The following STRIP1 variants were observed in gnomAD, a reference collection of about 807,000 sequenced individuals.
STRIP1 encodes the protein striatin interacting protein 1, also known as striatin-interacting protein 1.
STRIP1 carries 63 observed loss-of-function variants against 106.2 expected under a neutral mutation model. The ratio of observed to expected loss-of-function variants is 0.59; its 90% CI spans 0.48 to 0.73. The LOEUF (loss-of-function observed/expected upper bound fraction) is 0.73. STRIP1 is among the 30% of genes least tolerant of loss of function. STRIP1 has a pLI of 0.00. For synonymous variants in STRIP1, 390 were observed against 413.0 expected, an observed-to-expected ratio of 0.94 and a Z score of 0.67; for missense variants, 857 against 1,074.8, an observed-to-expected ratio of 0.80 and a Z score of 2.83.
At chr1:110,051,183 C>T in intron 19 of STRIP1, 123 bp downstream of exon 19, 1 of 682,052 alleles carries the variant, frequency 1.5e-6, no homozygotes, top group Non-Finnish European at 2.6e-6. Context: ...TAGCCGTATC[C>T]TTGCATTTTA....
In STRIP1 at chr1:110,039,309, A is replaced by AT. The variant is rs1290028076; in HGVS notation, c.460+5dup. The AT allele has an allele frequency of 2.5e-6, 4 of 1,613,992 alleles. No homozygotes were observed. Among genetic ancestry groups the AT allele is most frequent in the Non-Finnish European group, 3.4e-6 (4 of 1,180,000 alleles). Reference sequence around the variant, plus strand: ...AGCAATTCTCTATGTTGCTCAAGGTATTGAGTGGACCTCCCCAGGGTTCCC... The same window carrying AT: ...AGCAATTCTCTATGTTGCTCAAGGTATTTGAGTGGACCTCCCCAGGGTTCCC... On this transcript the variant is annotated splice_donor_region_variant and intron_variant, in intron 4 of 20. Coordinates refer to ENST00000369795, the MANE Select transcript of STRIP1 (RefSeq NM_033088.4).
intron 10 of STRIP1, among the ~76,000 whole-genome samples, chr1:110,044,207 T>C (rs6680225): frequency 0.019 from 2,825 of 152,332 alleles, 74 homozygotes; most frequent in African/African-American, 0.051. Flanking sequence ...ACAAAAATGA[T>C]AGATTAAGGA....
At chr1:110,041,397 C>G (rs981993533) in intron 6 of STRIP1, 139 bp from the exon 7 acceptor site, 2 of 629,864 alleles carry the variant, frequency 3.2e-6, no homozygotes, top group African/African-American at 3.7e-5. Flanking sequence ...ATGCTTTTGG[C>G]CATTCTTGTT....
intron 3 of STRIP1, 27 bp downstream of exon 3, chr1:110,038,784 T>C (rs1435838199): frequency 3.7e-6 from 6 of 1,604,644 alleles, no homozygotes; most frequent in Non-Finnish European, 5.1e-6. Flanking sequence ...CACTTCTTGC[T>C]TCCTTTGCCC....
upstream of STRIP1, among the ~76,000 whole-genome samples, chr1:110,034,120 T>C (rs1441327050): frequency 6.6e-6 from 1 of 152,246 alleles, no homozygotes; most frequent in Non-Finnish European, 1.5e-5. Flanking sequence ...TATATTTGTC[T>C]ATTGTTTGTC....
chr1:110,034,592 C>A, upstream of STRIP1: 2 of 1,465,182 alleles, frequency 1.4e-6, no homozygotes, highest in South Asian at 1.4e-5. Flanking sequence ...AGAGTTGCAT[C>A]ACGGCGGCTG....
rs1175940164 is a variant in STRIP1 at position 110,038,623 on chromosome 1, G to A, written c.251-60G>A. The A allele has an allele frequency of 2.1e-6, 3 of 1,424,056 alleles. No homozygotes were observed. In the Admixed American group the frequency reaches 5.1e-5, roughly 24 times the overall value. 88.2% of individuals were successfully genotyped at this position (1,424,056 alleles called of 1,614,324 possible). A position where few individuals can be genotyped will look rare whatever the true frequency, so the allele number is the denominator to read the frequency against. On this transcript the variant is annotated intron_variant, in intron 2 of 20. Transcript: ENST00000369795. ...CAAATGCCTTGCCTTCTCTGCACTT[G>A]TGAGACCTGGTGTGCAATGCAGACA... is the stretch of plus-strand genomic sequence containing the variant.
At chr1:110,042,862 C>T in intron 8 of STRIP1, 1 of 538,084 alleles carries the variant, frequency 1.9e-6, no homozygotes, top group South Asian at 2.7e-5. Flanking sequence ...GCACTAGGGT[C>T]AGTCAGCCTG....
chr1:110,043,312 A>G, intron 9 of STRIP1, 42 bp downstream of exon 9: 2 of 1,586,550 alleles, frequency 1.3e-6, no homozygotes, highest in Non-Finnish European at 1.7e-6. Flanking sequence ...AGGGCCCTCA[A>G]GGTGCATGCT....
intron 15 of STRIP1, 53 bp downstream of exon 15, chr1:110,047,922 G>A (rs1015051414): frequency 6.3e-6 from 9 of 1,439,190 alleles, no homozygotes; most frequent in Non-Finnish European, 8.6e-6. Context: ...GATGGAGAAG[G>A]GCAAACATTT....
chr1:110,039,495 G>A lies in STRIP1; in HGVS notation c.561G>A (p.Glu187=). The change falls in exon 5 of 21, where the codon GAG becomes GAA. Residue 187 remains glutamate (E), a synonymous_variant. Coordinates refer to ENST00000369795, the MANE Select transcript of STRIP1 (RefSeq NM_033088.4). ...TGGGCACGTTCAATGCTTTGGTGGA[G>A]CTTCTGAACATGGAAATAGAGTGAG... ...LEVGTFNALV[E]LLNMEIDNSA... 1 of 1,606,006 alleles carries A rather than the reference G, an allele frequency of 6.2e-7. No homozygotes were observed. Among genetic ancestry groups the A allele is most frequent in the Non-Finnish European group, 8.5e-7 (1 of 1,176,260 alleles).
chr1:110,043,314 G>A (rs747849311), intron 9 of STRIP1, 44 bp downstream of exon 9: 13 of 1,582,276 alleles, frequency 8.2e-6, no homozygotes, highest in Non-Finnish European at 1.1e-5. Flanking sequence ...GGCCCTCAAG[G>A]TGCATGCTTG....
intron 10 of STRIP1, 85 bp downstream of exon 10, chr1:110,043,941 T>G: frequency 1.6e-6 from 2 of 1,257,292 alleles, no homozygotes; most frequent in Non-Finnish European, 2.3e-6. Flanking sequence ...TGTGTCACCA[T>G]GTGTGGTCCT....
chr1:110,043,031 C>T, intron 8 of STRIP1, 57 bp from the exon 9 acceptor site: 1 of 1,510,548 alleles, frequency 6.6e-7, no homozygotes, highest in Non-Finnish European at 9.0e-7. Flanking sequence ...ACACAATGGT[C>T]AGGGGCCAGC....
rs143955943 is a variant in STRIP1 at position 110,051,877 on chromosome 1, A to T, written c.2256A>T (p.Ala752=). The T allele has an allele frequency of 5.6e-6, 9 of 1,612,140 alleles. No individual in the cohort carries two copies. Among genetic ancestry groups the T allele is most frequent in the Non-Finnish European group, 7.6e-6 (9 of 1,179,878 alleles). The change falls in exon 20 of 21, where the codon GCA becomes GCT. Residue 752 remains alanine (A), a synonymous_variant. Transcript: ENST00000369795. ...GGCATCGGCTGAACGACGACTGGGC[A>T]TACGGCAATGGTGAGACTCTGCACT... ...KVRHRLNDDW[A]YGNDLDARPW...
intron 16 of STRIP1, 33 bp downstream of exon 16, chr1:110,049,271 G>C (rs765710729): frequency 1.1e-5 from 17 of 1,613,666 alleles, no homozygotes; most frequent in Non-Finnish European, 1.4e-5. Flanking sequence ...TGTCCTGTGG[G>C]CTGGGGCCTC....
chr1:110,050,232 TCTG>T (rs1454235694), intron 17 of STRIP1, 108 bp from the exon 18 acceptor site: 2 of 1,005,006 alleles, frequency 2.0e-6, no homozygotes, highest in African/African-American at 3.2e-5. Flanking sequence ...GATTCCTACT[TCTG>T]CTCCAACAAG....
intron 9 of STRIP1, 56 bp from the exon 10 acceptor site, chr1:110,043,583 T>A: frequency 6.7e-7 from 1 of 1,492,154 alleles, no homozygotes; most frequent in Non-Finnish European, 9.3e-7. Flanking sequence ...CTGGCTGCAC[T>A]TCCCTGGTCT....
At chr1:110,040,899 C>A (rs1021554951) in intron 6 of STRIP1, among the ~76,000 whole-genome samples, 196 bp downstream of exon 6, 1 of 152,056 alleles carries the variant, frequency 6.6e-6, no homozygotes, top group Non-Finnish European at 1.5e-5. Context: ...GTTGAGACTC[C>A]CAAAGGCAAT....
Sources: gnomAD v4.1 joint callset for allele counts (sites outside exome capture counted in the v4.1 genomes callset) on GRCh38, gnomAD v4.1.1 for gene constraint, MANE v1.5 for transcripts, NCBI Gene and HGNC (gene_info 2026-07-23, HGNC 2026-07-21) for gene names.